Variants in NSUN6 observed in about 807,000 individuals in gnomAD.
The protein encoded by NSUN6 is NOP2/Sun RNA methyltransferase 6, also known as tRNA (cytosine(72)-C(5))-methyltransferase NSUN6.
A neutral mutation model predicts 58.0 loss-of-function variants in NSUN6; 64 were observed. The ratio of observed to expected loss-of-function variants is 1.10; its 90% CI spans 0.90 to 1.36. NSUN6 has a LOEUF of 1.36. Among genes scored for constraint, NSUN6 ranks in the 40% most tolerant of loss-of-function variants. The pLI is 0.00. For missense variants in NSUN6, 701 were observed against 550.1 expected (o/e 1.27, Z -2.74); for synonymous variants, 231 against 193.9 (o/e 1.19, Z -1.59).
rs905995227 is a variant in NSUN6, at chr10:18,587,691, G to A, written c.778-1598C>T. On this transcript the variant is annotated intron_variant, in intron 7 of 10. Transcript: ENST00000377304. ...TCACCCAGGAAGTGCAAGCAGCTGGGGGGCCTCCCTCCCCCAGCCAAGAGA... is the reference window on the plus strand; with the variant it reads ...TCACCCAGGAAGTGCAAGCAGCTGGAGGGCCTCCCTCCCCCAGCCAAGAGA... 1.2e-4 allele frequency among the ~76,000 whole-genome samples: 19 copies of A among 152,232 alleles called. 2 individuals are homozygous for A. Among genetic ancestry groups the A allele is most frequent in the Admixed American group, 3.3e-4 (5 of 15,294 alleles).
At chr10:18,645,167 A>G (rs200101961) in intron 2 of NSUN6, among the ~76,000 whole-genome samples, 29,750 of 150,190 alleles carry the variant, frequency 0.2, 3,143 homozygotes, top group South Asian at 0.29. Flanking sequence ...CAAAAAAAAA[A>G]AAAAAAAAAA....
chr10:18,596,825 A>G (rs997854054), intron 6 of NSUN6, among the ~76,000 whole-genome samples: 1 of 152,140 alleles, frequency 6.6e-6, no homozygotes, highest in Admixed American at 6.5e-5. Context: ...GAGTACTTCA[A>G]TCTCAGCATT....
upstream of NSUN6, chr10:18,653,323 C>T (rs1009514555): frequency 2.0e-6 from 2 of 983,012 alleles, no homozygotes; most frequent in South Asian, 4.7e-5. Flanking sequence ...AAAGCATTTG[C>T]CAGAAATTAC....
At chr10:18,583,341 C>A (rs1422180821) in intron 8 of NSUN6, among the ~76,000 whole-genome samples, 1 of 152,132 alleles carries the variant, frequency 6.6e-6, no homozygotes, top group Non-Finnish European at 1.5e-5. Context: ...GGACTCAGCC[C>A]ACCTGCACCC....
At chr10:18,601,669 G>C (rs550372559) in intron 6 of NSUN6, among the ~76,000 whole-genome samples, 15 of 152,154 alleles carry the variant, frequency 9.9e-5, no homozygotes, top group Non-Finnish European at 1.6e-4. Flanking sequence ...TGGATTAGCA[G>C]TTCTCATTTT....
At chr10:18,599,546 C>T (rs11015066) in intron 6 of NSUN6, among the ~76,000 whole-genome samples, 7,354 of 152,212 alleles carry the variant, frequency 0.048, 272 homozygotes, top group Non-Finnish European at 0.077. Context: ...TCAGTGGTTT[C>T]AAAATCACCC....
chr10:18,639,008 T>G (rs7101352), intron 3 of NSUN6, among the ~76,000 whole-genome samples: 1 of 147,956 alleles, frequency 6.8e-6, no homozygotes, highest in Non-Finnish European at 1.5e-5. Flanking sequence ...TAATCCTAGC[T>G]CTTTGGGAGG....
chr10:18,571,261 T>C (rs955295333), intron 8 of NSUN6, among the ~76,000 whole-genome samples: 1 of 150,648 alleles, frequency 6.6e-6, no homozygotes, highest in African/African-American at 2.4e-5. Flanking sequence ...CATTCTCCTT[T>C]CCATTCCCTT....
chr10:18,655,062 A>G, upstream of NSUN6: 7 of 982,756 alleles, frequency 7.1e-6, no homozygotes, highest in Non-Finnish European at 7.2e-6. Context: ...CTTATGGAAC[A>G]TTGGAAATTA....
intron 3 of NSUN6, among the ~76,000 whole-genome samples, chr10:18,638,885 C>G (rs1880400): frequency 1.4e-5 from 2 of 144,182 alleles, no homozygotes; most frequent in African/African-American, 5.2e-5. Flanking sequence ...GGACTGAAAG[C>G]AAGCACCACA....
intron 3 of NSUN6, among the ~76,000 whole-genome samples, chr10:18,641,955 C>A (rs866497166): frequency 1.4e-4 from 21 of 152,162 alleles, no homozygotes; most frequent in Non-Finnish European, 2.8e-4. Flanking sequence ...GTAGTCCCAG[C>A]TACTCAGAAG....
intron 6 of NSUN6, among the ~76,000 whole-genome samples, chr10:18,598,153 G>C (rs1003141853): frequency 3.9e-5 from 6 of 152,284 alleles, no homozygotes; most frequent in Admixed American, 3.3e-4. Flanking sequence ...CCACCCTTAA[G>C]AAGGTTCTTT....
chr10:18,597,832 C>G (rs7086757), intron 6 of NSUN6, among the ~76,000 whole-genome samples: 29,885 of 152,130 alleles, frequency 0.2, 3,219 homozygotes, highest in South Asian at 0.31. Context: ...ACAACATTCT[C>G]AAGGGAATCT....
chr10:18,654,878 TA>T (rs1025219068), upstream of NSUN6: 1 of 177,610 alleles, frequency 5.6e-6, no homozygotes, highest in Non-Finnish European at 1.1e-5. Context: ...TCTCAAAAAA[TA>T]AAAAAATAAA....
intron 6 of NSUN6, among the ~76,000 whole-genome samples, chr10:18,602,937 T>C (rs1442490208): frequency 6.6e-6 from 1 of 152,182 alleles, no homozygotes; most frequent in Non-Finnish European, 1.5e-5. Context: ...ATCAGACTAA[T>C]AAACATTTAT....
intron 5 of NSUN6, among the ~76,000 whole-genome samples, chr10:18,613,392 C>T (rs542176836): frequency 5.6e-4 from 85 of 152,268 alleles, no homozygotes; most frequent in African/African-American, 2.0e-3. Context: ...CCACCACGCC[C>T]GGCCAAAGGG....
chr10:18,623,912 T>C (rs2058697007), intron 3 of NSUN6, among the ~76,000 whole-genome samples: 2 of 152,118 alleles, frequency 1.3e-5, no homozygotes, highest in African/African-American at 2.4e-5. Flanking sequence ...ATCTGACTAG[T>C]CCCATAGGCA....
At position 18,588,128 on chromosome 10, in the gene NSUN6, T is replaced by A. The variant is rs576985120; in HGVS notation, c.778-2035A>T. Among the ~76,000 whole-genome samples the A allele has an allele frequency of 6.9e-4, 105 of 152,302 alleles. 3 individuals carry two copies. The South Asian group carries it at 0.022, about 31-fold the overall frequency. ...GAGTCTTCAGGAGGCTGTTGTACCT[T>A]GACAGTGCTAAGGAGACTGGGAGGT... On this transcript the variant is annotated intron_variant, in intron 7 of 10. Coordinates refer to ENST00000377304, the MANE Select transcript of NSUN6 (RefSeq NM_182543.5).
intron 7 of NSUN6, among the ~76,000 whole-genome samples, chr10:18,587,251 C>T (rs991785845): frequency 9.2e-5 from 14 of 152,130 alleles, no homozygotes; most frequent in African/African-American, 2.2e-4. Flanking sequence ...TATTAGACGG[C>T]GGCCTTAAAG....
Sources: gnomAD v4.1 joint callset for allele counts (sites outside exome capture counted in the v4.1 genomes callset) on GRCh38, gnomAD v4.1.1 for gene constraint, MANE v1.5 for transcripts, NCBI Gene and HGNC (gene_info 2026-07-23, HGNC 2026-07-21) for gene names.